PLA2R1: variants seen among roughly 807,000 people sequenced by gnomAD.
PLA2R1 encodes phospholipase A2 receptor 1.
PLA2R1 carries 158 observed loss-of-function variants against 195.9 expected under a neutral mutation model. That is an observed-to-expected ratio of 0.81 (90% CI 0.71 to 0.92). The LOEUF (loss-of-function observed/expected upper bound fraction) is 0.92. Ranked by LOEUF, PLA2R1 falls within the 40% of genes least tolerant of loss-of-function variation. The probability of loss-of-function intolerance (pLI) is 0.00; values close to 1 mark genes in which losing one functional copy is unlikely to be tolerated. For synonymous variants in PLA2R1, 586 were observed against 598.2 expected (o/e 0.98, Z 0.30); for missense variants, 1,626 against 1,764.6 (o/e 0.92, Z 1.41).
In PLA2R1 at chr2:160,028,922, T is replaced by A. The variant is rs745439228; in HGVS notation, c.883A>T (p.Asn295Tyr). The change falls in exon 5 of 30, where the codon AAT becomes TAT. Residue 295 changes from asparagine (N) to tyrosine (Y), a missense_variant. Asn to Tyr is a moderately radical substitution (Grantham distance 143). Coordinates refer to ENST00000283243, the MANE Select transcript of PLA2R1 (RefSeq NM_007366.5). ...SKTVEVWMGLNQLDEHAGWQW... is the reference protein window; with the variant it reads ...SKTVEVWMGLYQLDEHAGWQW... ...CAGCCAGCGTGTTCATCCAGCTGAT[T>A]GAGGCCCATCCACACCTCCACTGTT... is the stretch of plus-strand genomic sequence containing the variant. 6.6e-5 allele frequency: 107 copies of A among 1,610,784 alleles called. 1 individual carries two copies. In the South Asian group the frequency reaches 9.9e-4, roughly 15 times the overall value.
At chr2:160,002,645 G>A (rs1217587645) in intron 11 of PLA2R1, among the ~76,000 whole-genome samples, 1 of 151,958 alleles carries the variant, frequency 6.6e-6, no homozygotes, top group African/African-American at 2.4e-5. Flanking sequence ...CTTTACCCCA[G>A]ATCTACTGAA....
At chr2:159,985,586 T>C (rs1010337755) in intron 12 of PLA2R1, among the ~76,000 whole-genome samples, 2 of 152,178 alleles carry the variant, frequency 1.3e-5, no homozygotes, top group Non-Finnish European at 2.9e-5. Flanking sequence ...CACACATATA[T>C]ACACATACAA....
At chr2:159,942,360 T>C (rs191734507) in intron 28 of PLA2R1, among the ~76,000 whole-genome samples, 163 of 152,312 alleles carry the variant, frequency 1.1e-3, no homozygotes, top group African/African-American at 3.8e-3. Flanking sequence ...AGAGACCATA[T>C]GGCTCCCAAA....
rs774028122 is a variant in PLA2R1 at position 159,969,379 on chromosome 2, G to A, written c.2661-20C>T. 1.1e-5 allele frequency: 15 copies of A among 1,344,702 alleles called. No homozygotes were observed. The highest frequency in any genetic ancestry group is 1.3e-5 in the Non-Finnish European group (12 of 936,780). The allele number at this position is 1,344,702 out of a possible 1,614,324, so 83.3% of individuals were successfully genotyped here. On this transcript the variant is annotated intron_variant, in intron 18 of 29. Coordinates refer to ENST00000283243, the MANE Select transcript of PLA2R1 (RefSeq NM_007366.5). ...CTCCAGCTGTGGGAAGATTAAAAAT[G>A]TTAAGGTCTTCTCTCATTCTGCATG...
At position 160,005,681 on chromosome 2, in the gene PLA2R1, T is replaced by C; in HGVS notation, c.1805A>G (p.Gln602Arg). 6 of 1,614,130 alleles carry C rather than the reference T, an allele frequency of 3.7e-6. No individual in the cohort carries two copies. The highest frequency in any genetic ancestry group is 4.2e-6 in the Non-Finnish European group (5 of 1,179,982). Residue 602 changes from glutamine (Q) to arginine (R), a missense_variant, in exon 11 of 30, where the codon CAG becomes CGG. Physicochemically the swap from Gln to Arg is conservative, Grantham distance 43. Coordinates refer to ENST00000283243, the MANE Select transcript of PLA2R1 (RefSeq NM_007366.5). ...CTGGTGTGTGTTCCAGTGTGTGTAC[T>C]GCACCGGCTCGGGTTTCTGCCCTAC... ...KPVGQKPEPV[Q>R]YTHWNTHQPR...
At position 160,042,072 on chromosome 2, in the gene PLA2R1, G is replaced by A; in HGVS notation, c.620C>T (p.Thr207Ile). ...CTTTTCATCTCTTTCATAACGGCTTGTCGTGGCACACCACAGTAAGTCATC... is the reference window on the plus strand; with the variant it reads ...CTTTTCATCTCTTTCATAACGGCTTATCGTGGCACACCACAGTAAGTCATC... ...REDDLLWCAT[T>I]SRYERDEKWG... Residue 207 changes from threonine to isoleucine, a missense_variant, in exon 3 of 30, where the codon ACA becomes ATA. By Grantham distance (89) the Thr-to-Ile change is moderately conservative. Transcript: ENST00000283243. 1 of 1,596,064 alleles carries A rather than the reference G, an allele frequency of 6.3e-7. No individual in the cohort carries two copies. The highest frequency in any genetic ancestry group is 8.5e-7 in the Non-Finnish European group (1 of 1,173,856).
In PLA2R1 at chr2:159,941,788, C is replaced by T; in HGVS notation, c.4382G>A (p.Ser1461Asn). The change falls in exon 30 of 30, where the codon AGT becomes AAT. Residue 1461 changes from serine (S) to asparagine (N), a missense_variant. By Grantham distance (46) the Ser-to-Asn change is conservative (BLOSUM62 1). Transcript: ENST00000283243. ...TCTCTGACCTCATTATTATTGGTCA[C>T]TCTTCTCAAGATCAGAAATGAGAAT... ...ENILISDLEKSDQ is the reference protein window; with the variant it reads ...ENILISDLEKNDQ 1 of 1,575,934 alleles carries T rather than the reference C, an allele frequency of 6.3e-7. No individual in the cohort carries two copies. Among genetic ancestry groups the T allele is most frequent in the Non-Finnish European group, 8.7e-7 (1 of 1,145,788 alleles).
chr2:160,058,522 AT>A (rs1695724737), intron 1 of PLA2R1, among the ~76,000 whole-genome samples: 1 of 151,980 alleles, frequency 6.6e-6, no homozygotes, highest in Non-Finnish European at 1.5e-5. Flanking sequence ...CACATTTATC[AT>A]TTTTCAACCC....
chr2:159,995,974 A>G (rs1216036530), intron 11 of PLA2R1, among the ~76,000 whole-genome samples: 1 of 152,090 alleles, frequency 6.6e-6, no homozygotes, highest in African/African-American at 2.4e-5. Flanking sequence ...ACTTGTATAA[A>G]AGCAAATCTA....
chr2:159,991,960 G>A (rs374565926), intron 11 of PLA2R1, among the ~76,000 whole-genome samples: 2,965 of 119,172 alleles, frequency 0.025, 29 homozygotes, highest in Middle Eastern at 0.045. Flanking sequence ...ATGATTTATA[G>A]TCCTTTGGGT....
chr2:159,925,736 C>G, the PLA2R1 span, among the ~76,000 whole-genome samples: 1 of 152,296 alleles, frequency 6.6e-6, no homozygotes, highest in East Asian at 1.9e-4. Context: ...CTGACCCTTT[C>G]TGGTGCTCCA....
rs1190988051 is a variant in PLA2R1 at position 159,970,193 on chromosome 2, C to T, written c.2615G>A (p.Ser872Asn). The T allele has an allele frequency of 2.5e-6, 4 of 1,609,818 alleles. No homozygotes were observed. In the African/African-American group the frequency reaches 5.3e-5, roughly 22 times the overall value. ...KIKALSKYGA[S>N]WWIGLQEERA... Reference sequence around the variant, plus strand: ...TTCTTCTTGAAGTCCAATCCACCAACTTGCACCATACTTTGATAGCTATTG... The same window carrying T: ...TTCTTCTTGAAGTCCAATCCACCAATTTGCACCATACTTTGATAGCTATTG... The change falls in exon 18 of 30, where the codon AGT becomes AAT. Residue 872 changes from serine (S) to asparagine (N), a missense_variant. Coordinates refer to ENST00000283243, the MANE Select transcript of PLA2R1 (RefSeq NM_007366.5).
intron 13 of PLA2R1, among the ~76,000 whole-genome samples, chr2:159,982,516 C>T (rs934321963): frequency 4.6e-5 from 7 of 152,162 alleles, no homozygotes; most frequent in Non-Finnish European, 8.8e-5. Flanking sequence ...GAACCCTTTA[C>T]GATGCTAATG....
chr2:160,049,983 C>T (rs1280153692), intron 1 of PLA2R1, among the ~76,000 whole-genome samples: 2 of 152,074 alleles, frequency 1.3e-5, no homozygotes, highest in Non-Finnish European at 2.9e-5. Flanking sequence ...GGGAAAGCAT[C>T]AGGATAAAGA....
chr2:160,016,608 A>T lies in PLA2R1; in HGVS notation c.1551+6T>A, dbSNP rs754236792. The T allele has an allele frequency of 2.7e-6, 4 of 1,476,806 alleles. No homozygotes were observed. In the Admixed American group the frequency reaches 5.0e-5, roughly 19 times the overall value. 91.5% of individuals were successfully genotyped at this position (1,476,806 alleles called of 1,614,324 possible). Reference sequence around the variant, plus strand: ...GTACCTAAATTGCAATGTTAACAGCACTTACCTCTTGACATCCTGATTCAG... The same window carrying T: ...GTACCTAAATTGCAATGTTAACAGCTCTTACCTCTTGACATCCTGATTCAG... On this transcript the variant is annotated splice_donor_region_variant and intron_variant, in intron 9 of 29. Transcript: ENST00000283243.
chr2:160,001,863 T>C (rs1163597585), intron 11 of PLA2R1, among the ~76,000 whole-genome samples: 1 of 151,704 alleles, frequency 6.6e-6, no homozygotes, highest in African/African-American at 2.4e-5. Context: ...TCTACCATCA[T>C]AGTGGGAGGT....
Position 159,941,732 on chromosome 2 carries a change from T to C in PLA2R1, c.*46A>G. On this transcript the variant is annotated 3_prime_UTR_variant, in exon 30 of 30. Transcript: ENST00000283243. The stretch of plus-strand genomic sequence containing the variant: ...AAAGACAGATGAGACTCCTGTTTAG[T>C]CTTCTTTACTTACCCTGGTGTCTGT... The C allele has an allele frequency of 9.8e-7, 1 of 1,017,652 alleles. No homozygotes were observed. Among genetic ancestry groups the C allele is most frequent in the Non-Finnish European group, 1.5e-6 (1 of 650,448 alleles). 63.0% of individuals were successfully genotyped at this position (1,017,652 alleles called of 1,614,324 possible).
chr2:159,929,868 G>GTATATATA (rs201374077), downstream of PLA2R1, among the ~76,000 whole-genome samples: 75 of 120,340 alleles, frequency 6.2e-4, no homozygotes, highest in African/African-American at 1.9e-3. Flanking sequence ...GTGTGTGTGT[G>GTATATATA]TGTGTATATA....
intron 1 of PLA2R1, among the ~76,000 whole-genome samples, chr2:160,058,944 C>T (rs1222573999): frequency 6.6e-6 from 1 of 152,152 alleles, no homozygotes; most frequent in Non-Finnish European, 1.5e-5. Flanking sequence ...AGTAATTATA[C>T]AGCTCACCAT....
Sources: allele counts gnomAD v4.1 joint callset (sites outside exome capture counted in the v4.1 genomes callset), GRCh38; gene constraint gnomAD v4.1.1; transcripts MANE v1.5; gene names NCBI Gene and HGNC (gene_info 2026-07-23, HGNC 2026-07-21).